Variants in CACNA1H observed in about 807,000 individuals in gnomAD.
CACNA1H encodes the protein voltage-dependent T-type calcium channel subunit alpha-1H.
CACNA1H carries 149 observed loss-of-function variants against 192.5 expected under a neutral mutation model. The ratio of observed to expected loss-of-function variants is 0.77; its 90% CI spans 0.68 to 0.89. The LOEUF is 0.89. CACNA1H is among the 40% of genes least tolerant of loss of function. CACNA1H has a pLI of 0.00. For missense variants in CACNA1H, 4,257 were observed against 3,423.5 expected (o/e 1.24, Z -6.08); for synonymous variants, 2,202 against 1,475.2 (o/e 1.49, Z -11.29).
In CACNA1H at chr16:1,200,508, C is replaced by T. The variant is rs1967721666; in HGVS notation, c.1056C>T (p.Ser352=). 9.3e-6 allele frequency: 15 copies of T among 1,612,304 alleles called. No individual in the cohort carries two copies. Among genetic ancestry groups the T allele is most frequent in the Non-Finnish European group, 1.3e-5 (15 of 1,179,712 alleles). The change falls in exon 7 of 35, where the codon TCC becomes TCT. Residue 352 remains serine, a synonymous_variant. Transcript: ENST00000348261. The part of the protein sequence containing the change: ...QYYNVCRSGD[S]NPHNGAINFD... ...ACAACGTGTGCCGCTCGGGTGACTC[C>T]AACCCCCACAACGGTGCCATCAACT...
At position 1,167,560 on chromosome 16, in the gene CACNA1H, T is replaced by G. The variant is rs1447454371; in HGVS notation, c.299+13524T>G. Among the ~76,000 whole-genome samples the G allele has an allele frequency of 2.0e-5, 3 of 152,176 alleles. No individual in the cohort carries two copies. The East Asian group carries it at 5.8e-4, about 29-fold the overall frequency. On this transcript the variant is annotated intron_variant, in intron 2 of 34. Transcript: ENST00000348261. This position sits in a 1 kb window ranked among gnomAD's most constrained non-coding sequence, Gnocchi z 4.2. ...TTACCTTTGCCAAGTCGAGGAAGGC[T>G]GGAGCCACACTCCTCACCGCGGCGG...
Position 1,202,420 on chromosome 16 carries a change from A to G in CACNA1H, c.1970A>G (p.Tyr657Cys). The change falls in exon 9 of 35, where the codon TAC becomes TGC. Residue 657 changes from tyrosine to cysteine, a missense_variant. Tyr to Cys is a radical substitution (Grantham distance 194). Coordinates refer to ENST00000348261, the MANE Select transcript of CACNA1H (RefSeq NM_021098.3). ...TTGAGCTTGAACAGCCCTGATCCCTACGAGAAGATCCCGCATGTGGTCGGG... is the reference window on the plus strand; with the variant it reads ...TTGAGCTTGAACAGCCCTGATCCCTGCGAGAAGATCCCGCATGTGGTCGGG... Reference protein sequence around the residue: ...GPLSLNSPDPYEKIPHVVGEH... With the variant: ...GPLSLNSPDPCEKIPHVVGEH... 1.3e-6 allele frequency: 2 copies of G among 1,516,386 alleles called. No homozygotes were observed. Among genetic ancestry groups the G allele is most frequent in the Non-Finnish European group, 1.8e-6 (2 of 1,128,416 alleles). The allele number at this position is 1,516,386 out of a possible 1,614,324, so 93.9% of individuals were successfully genotyped here.
rs59027754 is a variant in CACNA1H, at chr16:1,200,457, C to T, written c.1005C>T (p.Asn335=). 2.5e-4 allele frequency: 396 copies of T among 1,611,638 alleles called. No homozygotes were observed. The highest frequency in any genetic ancestry group is 4.9e-4 in the Middle Eastern group (3 of 6,082). The change falls in exon 7 of 35, where the codon AAC becomes AAT. Residue 335 remains asparagine, a synonymous_variant. Transcript: ENST00000348261. The part of the protein sequence containing the change: ...PQAEGVGAAR[N]ACINWNQYYN... ...CCGAGGGGGTGGGCGCTGCACGCAA[C>T]GCCTGCATCAACTGGAACCAGTACT...
At chr16:1,203,268 A>G (rs1968211845) in intron 9 of CACNA1H, among the ~76,000 whole-genome samples, 1 of 152,174 alleles carries the variant, frequency 6.6e-6, no homozygotes. Context: ...ACATCACAGG[A>G]CGGCTCGATG....
intron 2 of CACNA1H, among the ~76,000 whole-genome samples, chr16:1,182,548 C>T (rs1044821465): frequency 3.3e-5 from 5 of 152,176 alleles, no homozygotes; most frequent in African/African-American, 1.2e-4. Context: ...GGCTCCCCAC[C>T]CCCAACTGCC....
chr16:1,178,723 A>AC (rs956236118), intron 2 of CACNA1H, among the ~76,000 whole-genome samples: 1 of 151,974 alleles, frequency 6.6e-6, no homozygotes, highest in Non-Finnish European at 1.5e-5. Flanking sequence ...AACCTGGCTC[A>AC]CCCCCGGCCA....
At chr16:1,187,704 C>G (rs1013730238) in intron 2 of CACNA1H, among the ~76,000 whole-genome samples, 1 of 152,188 alleles carries the variant, frequency 6.6e-6, no homozygotes, top group African/African-American at 2.4e-5. Flanking sequence ...GGGGGCCACT[C>G]TGACCATAGA....
At chr16:1,177,393 C>A (rs1033166926) in intron 2 of CACNA1H, among the ~76,000 whole-genome samples, 2 of 152,198 alleles carry the variant, frequency 1.3e-5, no homozygotes, top group African/African-American at 4.8e-5. Flanking sequence ...TGGTACGGTG[C>A]GGGGACGGCG....
In CACNA1H at chr16:1,210,692, C is replaced by T. The variant is rs61701475; in HGVS notation, c.4038+41C>T. 2.1e-3 allele frequency: 3,333 copies of T among 1,588,928 alleles called. 79 individuals carry two copies. The Admixed American group carries it at 0.05, about 24-fold the overall frequency. ...GGGACTGCCCTTGTTCCCAGGTCCC[C>T]GTTCTGCCCTCATCCCCACCCCCAC... On this transcript the variant is annotated intron_variant, in intron 20 of 34. Transcript: ENST00000348261.
intron 27 of CACNA1H, 121 bp downstream of exon 27, chr16:1,214,052 A>T (rs1454948705): frequency 9.3e-6 from 8 of 855,906 alleles, no homozygotes; most frequent in South Asian, 4.7e-5. Context: ...TTGCGTGGGG[A>T]TGTGGGGTTT....
chr16:1,198,724 C>G lies in CACNA1H; in HGVS notation c.753C>G (p.Leu251=), dbSNP rs2141221266. The stretch of plus-strand genomic sequence containing the variant: ...TTTTCGGCATCGTTGGCGTCCAGCT[C>G]TGGGCTGGCCTCCTGCGGAACCGCT... ...FFIFGIVGVQ[L]WAGLLRNRCF... Residue 251 remains leucine, a synonymous_variant, in exon 6 of 35, where the codon CTC becomes CTG. Transcript: ENST00000348261. 1.2e-6 allele frequency: 2 copies of G among 1,613,188 alleles called. No individual in the cohort carries two copies. The highest frequency in any genetic ancestry group is 2.7e-5 in the African/African-American group (2 of 74,998).
Position 1,195,053 on chromosome 16 carries a change from G to C in CACNA1H, c.381G>C (p.Glu127Asp). The C allele has an allele frequency of 6.2e-7, 1 of 1,610,030 alleles. No homozygotes were observed. Among genetic ancestry groups the C allele is most frequent in the Middle Eastern group, 1.7e-4 (1 of 6,056 alleles). Residue 127 changes from glutamate to aspartate, a missense_variant, in exon 3 of 35, where the codon GAG (glutamate) becomes GAC (aspartate). Physicochemically the swap from Glu to Asp is conservative, Grantham distance 45. Coordinates refer to ENST00000348261, the MANE Select transcript of CACNA1H (RefSeq NM_021098.3). ...TGTTCCGGCCCTGTGAGGACGTTGAGTGCGGCTCCGAGCGCTGCAACATCC... is the reference window on the plus strand; with the variant it reads ...TGTTCCGGCCCTGTGAGGACGTTGACTGCGGCTCCGAGCGCTGCAACATCC... ...LGMFRPCEDV[E>D]CGSERCNILE... is the part of the protein sequence containing the mutation.
intron 12 of CACNA1H, chr16:1,206,534 T>TG (rs1968734405): frequency 1.9e-6 from 1 of 538,812 alleles, no homozygotes; most frequent in African/African-American, 1.9e-5. Flanking sequence ...GTGGACAAGC[T>TG]GGGGATTTAC....
rs1244857201 is a variant in CACNA1H at position 1,180,574 on chromosome 16, TG to T, written c.300-14391del. On this transcript the variant is annotated intron_variant, in intron 2 of 34. Coordinates refer to ENST00000348261, the MANE Select transcript of CACNA1H (RefSeq NM_021098.3). The surrounding 1 kb of genome is among the most constrained non-coding windows in gnomAD (Gnocchi z 4.4). ...AGGGGCTGCAGTCACAGCCAGGCCG[TG>T]GGGGGGCCAGGGAGGAGGGGCTGCT... 6.9e-6 allele frequency among the ~76,000 whole-genome samples: 1 copy of T among 144,550 alleles called. No individual in the cohort carries two copies. Among genetic ancestry groups the T allele is most frequent in the South Asian group, 2.2e-4 (1 of 4,472 alleles). The allele number at this position is 144,550 out of a possible 152,430, so 94.8% of individuals were successfully genotyped here.
rs192238262 is a variant in CACNA1H, at chr16:1,194,173, G to T, written c.300-799G>T. ...AAGTCCAGAGCCAGGGGTGGGGGCG[G>T]CCACCGGGCTGCCCCTGAATCAGCT... is the stretch of plus-strand genomic sequence containing the variant. On this transcript the variant is annotated intron_variant, in intron 2 of 34. Coordinates refer to ENST00000348261, the MANE Select transcript of CACNA1H (RefSeq NM_021098.3). Among the ~76,000 whole-genome samples the T allele has an allele frequency of 3.0e-4, 46 of 152,146 alleles. No individual in the cohort carries two copies. In the East Asian group the frequency reaches 5.0e-3, roughly 17 times the overall value.
rs763756978 is a variant in CACNA1H at position 1,218,269 on chromosome 16, G to T, written c.5505G>T (p.Leu1835=). ...DKHCLSYLPA[L]SPVYFVTFVL... ...ACTGCCTGAGCTACCTGCCGGCCCT[G>T]TCGCCCGTCTACTTCGTGACCTTCG... The change falls in exon 33 of 35, where the codon CTG becomes CTT. Residue 1835 remains leucine (L), a synonymous_variant. Coordinates refer to ENST00000348261, the MANE Select transcript of CACNA1H (RefSeq NM_021098.3). The T allele has an allele frequency of 6.4e-7, 1 of 1,551,818 alleles. No individual in the cohort carries two copies. Among genetic ancestry groups the T allele is most frequent in the South Asian group, 1.2e-5 (1 of 84,104 alleles).
chr16:1,187,658 G>A lies in CACNA1H; in HGVS notation c.300-7314G>A, dbSNP rs139232194. ...ATGTCAGGATGCAGCCGAGCAGGGAGCCCTGCTGGGATCCCTGGAGGCCAC... is the reference window on the plus strand; with the variant it reads ...ATGTCAGGATGCAGCCGAGCAGGGAACCCTGCTGGGATCCCTGGAGGCCAC... On this transcript the variant is annotated intron_variant, in intron 2 of 34. Transcript: ENST00000348261. Among the ~76,000 whole-genome samples, 715 of 152,324 alleles carry A rather than the reference G, an allele frequency of 4.7e-3. 13 individuals are homozygous for A. The highest frequency in any genetic ancestry group is 0.012 in the African/African-American group (502 of 41,566).
chr16:1,156,346 T>G (rs1962382072), intron 2 of CACNA1H, among the ~76,000 whole-genome samples: 1 of 152,132 alleles, frequency 6.6e-6, no homozygotes, highest in Non-Finnish European at 1.5e-5. Context: ...GGGGTGGGTG[T>G]GACCACCAGC....
intron 24 of CACNA1H, 35 bp downstream of exon 24, chr16:1,211,840 G>A (rs768508489): frequency 4.3e-6 from 7 of 1,610,242 alleles, no homozygotes; most frequent in Admixed American, 1.7e-5. Flanking sequence ...GTCACCTCAG[G>A]GTCTCCCGCG....
Sources: gnomAD v4.1 joint callset for allele counts (sites outside exome capture counted in the v4.1 genomes callset) on GRCh38, gnomAD v4.1.1 for gene constraint, Gnocchi (gnomAD v3.1) non-coding constraint, MANE v1.5 for transcripts, NCBI Gene and HGNC (gene_info 2026-07-23, HGNC 2026-07-21) for gene names.